BIRC6: variants seen among roughly 807,000 people sequenced by gnomAD.
BIRC6 encodes dual E2 ubiquitin-conjugating enzyme/E3 ubiquitin-protein ligase BIRC6.
A neutral mutation model predicts 503.3 loss-of-function variants in BIRC6; 98 were observed. The observed-to-expected ratio is 0.19, with a 90% CI of 0.17 to 0.23. The LOEUF is 0.23. Among genes scored for constraint, BIRC6 ranks in the 10% least tolerant of loss-of-function variants. The pLI is 1.00. For synonymous variants in BIRC6, 2,240 were observed against 2,078.7 expected, an observed-to-expected ratio of 1.08 and a Z score of -2.11; for missense variants, 5,360 against 5,806.0, an observed-to-expected ratio of 0.92 and a Z score of 2.50.
intron 52 of BIRC6, among the ~76,000 whole-genome samples, chr2:32,510,258 T>C (rs1246366563): frequency 1.3e-5 from 2 of 152,180 alleles, no homozygotes; most frequent in Non-Finnish European, 2.9e-5. Context: ...TTTGTATTTT[T>C]AGTAGAGATG....
chr2:32,398,657 G>A (rs2040251384), intron 6 of BIRC6, among the ~76,000 whole-genome samples: 1 of 152,070 alleles, frequency 6.6e-6, no homozygotes, highest in South Asian at 2.1e-4. Flanking sequence ...GTGGTTTCCT[G>A]GAGGTGGGAT....
chr2:32,453,118 C>G (rs1281095478), intron 22 of BIRC6, among the ~76,000 whole-genome samples: 1 of 151,628 alleles, frequency 6.6e-6, no homozygotes, highest in Non-Finnish European at 1.5e-5. Context: ...CCTTGCCTTC[C>G]CAAGCTGCAT....
chr2:32,525,579 C>G lies in BIRC6; in HGVS notation c.11871C>G (p.Asn3957Lys), dbSNP rs151142466. The change falls in exon 59 of 74, where the codon AAC becomes AAG. Residue 3957 changes from asparagine to lysine, a missense_variant. This residue lies in a region of BIRC6 where 878 missense variants were observed against 928.9 expected (regional missense o/e 0.95). Transcript: ENST00000421745. The stretch of plus-strand genomic sequence containing the variant: ...GTACTTCAGGAGCAGAGGCTGCCAA[C>G]AAAATAATTACTGTCCCAGTGTTTC... ...IGSTSGAEAA[N>K]KIITVPVFHL... The G allele has an allele frequency of 1.6e-5, 26 of 1,613,902 alleles. No individual in the cohort carries two copies. In the African/African-American group the frequency reaches 1.7e-4, roughly 11 times the overall value.
At chr2:32,374,245 C>T (rs934023495) in intron 1 of BIRC6, among the ~76,000 whole-genome samples, 6 of 152,198 alleles carry the variant, frequency 3.9e-5, no homozygotes, top group African/African-American at 1.4e-4. Flanking sequence ...TTTATATAGT[C>T]ATATCTCTTG....
chr2:32,521,569 A>C (rs983764129), intron 57 of BIRC6, among the ~76,000 whole-genome samples: 7 of 151,592 alleles, frequency 4.6e-5, no homozygotes, highest in African/African-American at 1.7e-4. Context: ...CCCAGGTTCA[A>C]GCAATTCTCC....
In BIRC6 at chr2:32,518,912, A is replaced by G. The variant is rs143844258; in HGVS notation, c.11589A>G (p.Ser3863=). The G allele has an allele frequency of 5.6e-6, 9 of 1,613,710 alleles. No homozygotes were observed. Among genetic ancestry groups the G allele is most frequent in the South Asian group, 2.2e-5 (2 of 91,086 alleles). The change falls in exon 57 of 74, where the codon TCA becomes TCG. Residue 3863 remains serine, a synonymous_variant. Transcript: ENST00000421745. ...HKFRTLHLPV[S]TTLSDVLDRV... The stretch of plus-strand genomic sequence containing the variant: ...TCCGTACTCTTCATTTGCCAGTCTC[A>G]ACAACATTATCAGATGTTCTTGACA...
In BIRC6 at chr2:32,518,276, C is replaced by T. The variant is rs2055277282; in HGVS notation, c.11372C>T (p.Thr3791Ile). The T allele has an allele frequency of 6.2e-7, 1 of 1,613,038 alleles. No individual in the cohort carries two copies. The highest frequency in any genetic ancestry group is 8.5e-7 in the Non-Finnish European group (1 of 1,179,490). Reference protein sequence around the residue: ...MAQVLCELFQTSPQRGNLPTS... With the variant: ...MAQVLCELFQISPQRGNLPTS... Reference sequence around the variant, plus strand: ...CAGGTTCTTTGTGAACTATTTCAGACATCTCCTCAAAGAGGGAACCTTCCA... The same window carrying T: ...CAGGTTCTTTGTGAACTATTTCAGATATCTCCTCAAAGAGGGAACCTTCCA... Residue 3791 changes from threonine (T) to isoleucine (I), a missense_variant, in exon 56 of 74, where the codon ACA (threonine) becomes ATA (isoleucine). By Grantham distance (89) the Thr-to-Ile change is moderately conservative. Transcript: ENST00000421745.
chr2:32,533,574 A>T (rs1321336594), intron 61 of BIRC6, among the ~76,000 whole-genome samples: 1 of 152,188 alleles, frequency 6.6e-6, no homozygotes, highest in Non-Finnish European at 1.5e-5. Flanking sequence ...AGGCTGGACA[A>T]CCTTTTGCTA....
intron 66 of BIRC6, among the ~76,000 whole-genome samples, chr2:32,590,408 T>C (rs2061324639): frequency 6.6e-6 from 1 of 152,210 alleles, no homozygotes; most frequent in Non-Finnish European, 1.5e-5. Flanking sequence ...AACTTTGCAG[T>C]ATGTTTAGCT....
chr2:32,393,231 A>G (rs1369352701), intron 5 of BIRC6, among the ~76,000 whole-genome samples: 1 of 152,082 alleles, frequency 6.6e-6, no homozygotes, highest in African/African-American at 2.4e-5. Flanking sequence ...GTAGAGGAAG[A>G]ATTAGTCAAG....
intron 65 of BIRC6, among the ~76,000 whole-genome samples, chr2:32,567,604 G>C (rs931277357): frequency 9.9e-5 from 15 of 152,202 alleles, no homozygotes; most frequent in African/African-American, 3.6e-4. Flanking sequence ...AATGGGAAAA[G>C]CACTAAAGCT....
At chr2:32,525,667 G>T in intron 59 of BIRC6, 39 bp downstream of exon 59, 1 of 1,577,898 alleles carries the variant, frequency 6.3e-7, no homozygotes, top group East Asian at 2.2e-5. Flanking sequence ...AGAAATTTTA[G>T]TAGCCTTAAA....
At chr2:32,521,419 A>G (rs1051885796) in intron 57 of BIRC6, among the ~76,000 whole-genome samples, 1 of 148,056 alleles carries the variant, frequency 6.8e-6, no homozygotes, top group African/African-American at 2.5e-5. Flanking sequence ...GAATATTAAA[A>G]CTGGCCAAAA....
At chr2:32,535,933 G>A (rs1222164284) in intron 61 of BIRC6, among the ~76,000 whole-genome samples, 3 of 152,176 alleles carry the variant, frequency 2.0e-5, no homozygotes, top group African/African-American at 7.2e-5. Context: ...CGGTGTAAAA[G>A]TGTTCCTATT....
Position 32,442,121 on chromosome 2 carries a change from C to A in BIRC6, c.4001C>A (p.Thr1334Asn). ...GAATTTCATGAGAAGCTTCTTAATA[C>A]TCTTTGCAGAAAAACAGATGATGGC... is the stretch of plus-strand genomic sequence containing the variant. ...FSEFHEKLLN[T>N]LCRKTDDGQI... Residue 1334 changes from threonine to asparagine, a missense_variant, in exon 18 of 74, where the codon ACT becomes AAT. Coordinates refer to ENST00000421745, the MANE Select transcript of BIRC6 (RefSeq NM_016252.4). 6.2e-7 allele frequency: 1 copy of A among 1,609,812 alleles called. No homozygotes were observed. The highest frequency in any genetic ancestry group is 8.5e-7 in the Non-Finnish European group (1 of 1,178,786).
chr2:32,514,919 A>G, intron 54 of BIRC6, 71 bp from the exon 55 acceptor site: 1 of 1,231,828 alleles, frequency 8.1e-7, no homozygotes, highest in Non-Finnish European at 1.1e-6. Context: ...TTGAACTATA[A>G]CAGAAATATT....
intron 65 of BIRC6, chr2:32,565,599 C>T (rs1029536713): frequency 2.0e-5 from 3 of 152,122 alleles, no homozygotes; most frequent in African/African-American, 7.2e-5. Flanking sequence ...TCTTATATTT[C>T]TTTATAGGAA....
chr2:32,389,334 A>G (rs938891633), intron 4 of BIRC6, among the ~76,000 whole-genome samples: 41 of 151,924 alleles, frequency 2.7e-4, no homozygotes, highest in African/African-American at 9.6e-4. Flanking sequence ...CTAACTTACC[A>G]TGCCCTAATG....
chr2:32,407,218 G>C (rs1260813280), intron 9 of BIRC6, among the ~76,000 whole-genome samples: 1 of 152,050 alleles, frequency 6.6e-6, no homozygotes, highest in Non-Finnish European at 1.5e-5. Flanking sequence ...GGCCACAGCG[G>C]GTGGATCACC....
Sources: gnomAD v4.1 joint callset for allele counts (sites outside exome capture counted in the v4.1 genomes callset) on GRCh38, gnomAD v4.1.1 for gene constraint, gnomAD v4.1.1 regional missense constraint, MANE v1.5 for transcripts, NCBI Gene and HGNC (gene_info 2026-07-23, HGNC 2026-07-21) for gene names.